The following ROBO1 variants were observed in gnomAD, a reference collection of about 807,000 sequenced individuals.
ROBO1 encodes roundabout homolog 1.
Under a neutral mutation model 195.9 loss-of-function variants are expected in ROBO1, and 149 were observed. The observed-to-expected ratio is 0.76, with a 90% CI of 0.67 to 0.87. The LOEUF is 0.87. Among genes scored for constraint, ROBO1 ranks in the 40% least tolerant of loss-of-function variants. The pLI, the probability that ROBO1 is intolerant of heterozygous loss-of-function variation, is 0.00. For missense variants in ROBO1, 1,933 were observed against 2,068.3 expected, an observed-to-expected ratio of 0.93 and a Z score of 1.27; for synonymous variants, 816 against 733.2, an observed-to-expected ratio of 1.11 and a Z score of -1.82.
At chr3:79,532,160 T>C (rs1941687386) in intron 2 of ROBO1, among the ~76,000 whole-genome samples, 1 of 152,178 alleles carries the variant, frequency 6.6e-6, no homozygotes, top group Non-Finnish European at 1.5e-5. Context: ...CCTAGACATG[T>C]TGAACATTTT....
rs145211872 is a variant in ROBO1 at position 79,416,253 on chromosome 3, C to G, written c.88+173571G>C. On this transcript the variant is annotated intron_variant, in intron 2 of 30. Coordinates refer to ENST00000464233, the MANE Select transcript of ROBO1 (RefSeq NM_002941.4). Reference sequence around the variant, plus strand: ...TTAAGGGCTATTGCAGCAGTCCAGGCAAGAGATGATAAATGGCTTCGAGTT... The same window carrying G: ...TTAAGGGCTATTGCAGCAGTCCAGGGAAGAGATGATAAATGGCTTCGAGTT... Among the ~76,000 whole-genome samples the G allele has an allele frequency of 3.6e-4, 54 of 151,786 alleles. 1 individual carries two copies. The East Asian group carries it at 7.7e-3, about 22-fold the overall frequency.
At chr3:78,845,825 C>A (rs888212718) in intron 4 of ROBO1, among the ~76,000 whole-genome samples, 11 of 152,102 alleles carry the variant, frequency 7.2e-5, no homozygotes, top group African/African-American at 2.7e-4. Context: ...TAAGGTAATA[C>A]ACGTGATTAT....
At chr3:79,203,698 C>G (rs2081810815) in intron 2 of ROBO1, among the ~76,000 whole-genome samples, 2 of 152,118 alleles carry the variant, frequency 1.3e-5, no homozygotes, top group African/African-American at 4.8e-5. Context: ...ATCAGTGAAA[C>G]TGGTTTTCTT....
chr3:78,728,871 G>A (rs1332711772), intron 5 of ROBO1, among the ~76,000 whole-genome samples: 2 of 152,196 alleles, frequency 1.3e-5, no homozygotes, highest in African/African-American at 2.4e-5. Flanking sequence ...ATACACACAA[G>A]AGAACATGAT....
At chr3:79,473,829 C>T (rs1312004961) in intron 2 of ROBO1, among the ~76,000 whole-genome samples, 1 of 151,656 alleles carries the variant, frequency 6.6e-6, no homozygotes, top group Non-Finnish European at 1.5e-5. Context: ...ATAAGAATAC[C>T]CTTAATAAAC....
intron 10 of ROBO1, among the ~76,000 whole-genome samples, chr3:78,680,910 A>G (rs1442159040): frequency 2.7e-5 from 4 of 150,258 alleles, no homozygotes; most frequent in Non-Finnish European, 4.4e-5. Context: ...ACTATTCACA[A>G]TAGCAAAGAC....
intron 2 of ROBO1, among the ~76,000 whole-genome samples, chr3:79,487,586 C>T (rs1261282898): frequency 6.6e-6 from 1 of 152,110 alleles, no homozygotes. Flanking sequence ...AGTGGTATAG[C>T]TAAGGTTTGA....
At chr3:79,325,357 A>G (rs974789652) in intron 2 of ROBO1, among the ~76,000 whole-genome samples, 3 of 152,192 alleles carry the variant, frequency 2.0e-5, no homozygotes, top group South Asian at 2.1e-4. Flanking sequence ...TCACCCCTCA[A>G]AAAAGACAAG....
At chr3:79,140,876 G>T (rs961515276) in intron 2 of ROBO1, among the ~76,000 whole-genome samples, 11 of 152,124 alleles carry the variant, frequency 7.2e-5, no homozygotes, top group African/African-American at 2.7e-4. Flanking sequence ...AATCATTCAG[G>T]AAGTATCTCC....
intron 1 of ROBO1, among the ~76,000 whole-genome samples, chr3:79,660,562 T>G (rs1341452973): frequency 1.3e-5 from 2 of 152,258 alleles, no homozygotes; most frequent in East Asian, 3.9e-4. Context: ...CAACTGTCCC[T>G]TTACATTATC....
intron 2 of ROBO1, among the ~76,000 whole-genome samples, chr3:79,553,753 C>T (rs1942604700): frequency 6.6e-6 from 1 of 152,088 alleles, no homozygotes; most frequent in Non-Finnish European, 1.5e-5. Context: ...GATAATTGCT[C>T]TTTCAATTAT....
At chr3:79,458,336 G>A (rs950997121) in intron 2 of ROBO1, among the ~76,000 whole-genome samples, 10 of 152,260 alleles carry the variant, frequency 6.6e-5, no homozygotes, top group Admixed American at 3.3e-4. Context: ...GCCAAACAAT[G>A]TTCTTTATTC....
chr3:79,623,303 G>A (rs935967562), intron 1 of ROBO1, among the ~76,000 whole-genome samples: 4 of 152,070 alleles, frequency 2.6e-5, no homozygotes, highest in African/African-American at 4.8e-5. Flanking sequence ...CCAAACAATC[G>A]CAACGTCTCT....
At chr3:79,703,832 C>T (rs1476650454) in intron 1 of ROBO1, among the ~76,000 whole-genome samples, 1 of 151,820 alleles carries the variant, frequency 6.6e-6, no homozygotes, top group Non-Finnish European at 1.5e-5. Flanking sequence ...TTTTGAAAAT[C>T]TTTTAGAGTT....
chr3:78,656,333 T>C (rs954213405), intron 18 of ROBO1, among the ~76,000 whole-genome samples: 38 of 147,520 alleles, frequency 2.6e-4, no homozygotes, highest in African/African-American at 9.5e-4. Context: ...TAAATTGAAG[T>C]TTGCTTATTT....
At chr3:78,898,323 C>T (rs2037363817) in intron 4 of ROBO1, among the ~76,000 whole-genome samples, 1 of 136,928 alleles carries the variant, frequency 7.3e-6, no homozygotes, top group Non-Finnish European at 1.5e-5. Flanking sequence ...CCTCTATGGA[C>T]TATATATATA....
chr3:78,743,601 T>C lies in ROBO1; in HGVS notation c.657+3142A>G, dbSNP rs148730588. Among the ~76,000 whole-genome samples the C allele has an allele frequency of 2.7e-5, 4 of 149,788 alleles. No individual in the cohort carries two copies. In the East Asian group the frequency reaches 7.7e-4, roughly 29 times the overall value. ...ATATTCATCAGGATATGCTATGCTATATGTGCTAAAAAAATCCTCAGTGAC... is the reference window on the plus strand; with the variant it reads ...ATATTCATCAGGATATGCTATGCTACATGTGCTAAAAAAATCCTCAGTGAC... On this transcript the variant is annotated intron_variant, in intron 5 of 30. Coordinates refer to ENST00000464233, the MANE Select transcript of ROBO1 (RefSeq NM_002941.4).
Position 79,661,103 on chromosome 3 carries a change from T to C in ROBO1, c.-50-71142A>G, listed in dbSNP as rs146709963. On this transcript the variant is annotated intron_variant, in intron 1 of 30. Transcript: ENST00000464233. ...GACATTATGTTGTGCTCACTACCCA[T>C]ACGCCCCTTCTTTGACAAACTTTTA... Among the ~76,000 whole-genome samples the C allele has an allele frequency of 1.6e-3, 239 of 152,176 alleles. 1 individual carries two copies. The highest frequency in any genetic ancestry group is 2.6e-3 in the Non-Finnish European group (177 of 67,984).
chr3:79,122,689 T>A (rs1224692592), intron 3 of ROBO1, among the ~76,000 whole-genome samples: 1 of 152,016 alleles, frequency 6.6e-6, no homozygotes, highest in Admixed American at 6.6e-5. Context: ...TCAGAACAGA[T>A]GTTGTAGTAA....
Sources: gnomAD v4.1 joint callset for allele counts (sites outside exome capture counted in the v4.1 genomes callset) on GRCh38, gnomAD v4.1.1 for gene constraint, MANE v1.5 for transcripts, NCBI Gene and HGNC (gene_info 2026-07-23, HGNC 2026-07-21) for gene names.